The following ARID4A variants were observed in gnomAD, a reference collection of about 807,000 sequenced individuals.
ARID4A encodes AT-rich interaction domain 4A, also known as AT-rich interactive domain-containing protein 4A.
Under a neutral mutation model 148.6 loss-of-function variants are expected in ARID4A, and 39 were observed. That is an observed-to-expected ratio of 0.26 (90% CI 0.20 to 0.34). The LOEUF is 0.34. ARID4A is among the 10% of genes least tolerant of loss of function. The pLI, the probability that ARID4A is intolerant of heterozygous loss-of-function variation, is 1.00. For missense variants in ARID4A, 1,265 were observed against 1,449.1 expected (o/e 0.87, Z 2.06); for synonymous variants, 475 against 481.2 (o/e 0.99, Z 0.17).
At chr14:58,357,239 A>C (rs540227079) in intron 17 of ARID4A, among the ~76,000 whole-genome samples, 14 of 152,214 alleles carry the variant, frequency 9.2e-5, no homozygotes, top group Non-Finnish European at 1.5e-4. Flanking sequence ...GGCTAAGCTA[A>C]GCTGTGATGT....
At chr14:58,350,074 C>T (rs1289729383) in intron 15 of ARID4A, among the ~76,000 whole-genome samples, 1 of 147,094 alleles carries the variant, frequency 6.8e-6, no homozygotes, top group African/African-American at 2.5e-5. Context: ...TGCTCTCCAG[C>T]CTGGCAACAG....
intron 18 of ARID4A, among the ~76,000 whole-genome samples, chr14:58,360,439 C>A (rs1390530455): frequency 6.6e-6 from 1 of 152,126 alleles, no homozygotes; most frequent in Non-Finnish European, 1.5e-5. Context: ...ATATACTGGC[C>A]AATTGTACCC....
intron 1 of ARID4A, 33 bp from the exon 2 acceptor site, chr14:58,299,765 T>G (rs547914512): frequency 1.5e-5 from 23 of 1,582,572 alleles, no homozygotes; most frequent in Middle Eastern, 1.7e-4. Flanking sequence ...GTTGACTGAT[T>G]ATGTCTGTGC....
At chr14:58,366,255 T>C in intron 22 of ARID4A, 25 bp downstream of exon 22, 1 of 1,523,490 alleles carries the variant, frequency 6.6e-7, no homozygotes, top group Admixed American at 1.7e-5. Context: ...GAAAACTTGA[T>C]AGATGAATAC....
chr14:58,300,876 G>C (rs1389742688), intron 2 of ARID4A, among the ~76,000 whole-genome samples: 1 of 151,464 alleles, frequency 6.6e-6, no homozygotes, highest in Non-Finnish European at 1.5e-5. Context: ...ATTAAAATGA[G>C]TGGTAGAGTG....
rs528722702 is a variant in ARID4A at position 58,330,487 on chromosome 14, C to T, written c.906+318C>T. Among the ~76,000 whole-genome samples, 4 of 152,136 alleles carry T rather than the reference C, an allele frequency of 2.6e-5. No individual in the cohort carries two copies. The South Asian group carries it at 8.3e-4, about 32-fold the overall frequency. On this transcript the variant is annotated intron_variant, in intron 11 of 23. Coordinates refer to ENST00000355431, the MANE Select transcript of ARID4A (RefSeq NM_002892.4). ...ATTTTTAGGTATTTTATATGTGTAA[C>T]TCATTTAAACTACTACCATATGAAG...
At chr14:58,302,649 CTA>C (rs1401575160) in intron 3 of ARID4A, among the ~76,000 whole-genome samples, 1 of 152,042 alleles carries the variant, frequency 6.6e-6, no homozygotes. Context: ...CAGAGGGAGA[CTA>C]AAAATATATA....
chr14:58,347,000 A>C lies in ARID4A; in HGVS notation c.1075-20A>C. The C allele has an allele frequency of 8.9e-7, 1 of 1,125,286 alleles. No homozygotes were observed. The highest frequency in any genetic ancestry group is 1.2e-6 in the Non-Finnish European group (1 of 807,218). The allele number at this position is 1,125,286 out of a possible 1,614,324, so 69.7% of individuals were successfully genotyped here. A position where few individuals can be genotyped will look rare whatever the true frequency, so the allele number is the denominator to read the frequency against. On this transcript the variant is annotated intron_variant, in intron 13 of 23. Transcript: ENST00000355431. ...ATTAATTCCCTTTGCAAATGTTAAC[A>C]TAAAAACTTAATTTTCCAGATTGAT...
chr14:58,354,363 G>C (rs2034774515), intron 17 of ARID4A, among the ~76,000 whole-genome samples: 1 of 152,128 alleles, frequency 6.6e-6, no homozygotes, highest in Non-Finnish European at 1.5e-5. Context: ...ACTTACATTT[G>C]ATCTTCCGTT....
At chr14:58,329,044 C>T (rs1169144934) in intron 9 of ARID4A, among the ~76,000 whole-genome samples, 2 of 151,846 alleles carry the variant, frequency 1.3e-5, no homozygotes, top group East Asian at 3.9e-4. Context: ...CTCATCTCTG[C>T]TTTGTGATCA....
At chr14:58,329,451 T>C in intron 9 of ARID4A, 77 bp from the exon 10 acceptor site, 2 of 938,298 alleles carry the variant, frequency 2.1e-6, no homozygotes, top group South Asian at 3.0e-5. Flanking sequence ...TTTATTTTTC[T>C]ATGTGTTAAC....
chr14:58,299,739 T>G, intron 1 of ARID4A, 59 bp from the exon 2 acceptor site: 3 of 1,442,904 alleles, frequency 2.1e-6, no homozygotes. Flanking sequence ...TTTCTTTCCC[T>G]TGGTCGCTCC....
At chr14:58,306,696 G>A (rs2031630232) in intron 5 of ARID4A, among the ~76,000 whole-genome samples, 1 of 152,122 alleles carries the variant, frequency 6.6e-6, no homozygotes, top group Non-Finnish European at 1.5e-5. Flanking sequence ...TGGCCAACAT[G>A]GTGAAACCCC....
chr14:58,355,772 T>C (rs900277353), intron 17 of ARID4A, among the ~76,000 whole-genome samples: 2 of 152,224 alleles, frequency 1.3e-5, no homozygotes, highest in African/African-American at 4.8e-5. Context: ...CCTTCTTTCT[T>C]CCTCAGATTC....
At chr14:58,317,624 C>CTTTTTTTTTTTTTTTTT (rs71107933) in intron 5 of ARID4A, among the ~76,000 whole-genome samples, 4 of 69,874 alleles carry the variant, frequency 5.7e-5, no homozygotes, top group African/African-American at 1.3e-4. Context: ...TTATATTTGT[C>CTTTTTTTTTTTTTTTTT]TTTTTTTTTT....
At chr14:58,369,614 C>CAAAA (rs34289804) in intron 23 of ARID4A, among the ~76,000 whole-genome samples, 1 of 106,922 alleles carries the variant, frequency 9.4e-6, no homozygotes, top group Non-Finnish European at 1.8e-5. Flanking sequence ...GAGTCTGTCT[C>CAAAA]AAAAAAAAAA....
chr14:58,300,541 C>T (rs2031065281), intron 2 of ARID4A, among the ~76,000 whole-genome samples: 1 of 152,076 alleles, frequency 6.6e-6, no homozygotes, highest in South Asian at 2.1e-4. Context: ...TGTAAATGCA[C>T]TTACTTTAAA....
chr14:58,333,042 C>T (rs1390624143), intron 11 of ARID4A, among the ~76,000 whole-genome samples: 31 of 152,004 alleles, frequency 2.0e-4, no homozygotes, highest in Admixed American at 2.0e-3. Context: ...TGAAAGAGCA[C>T]CTTTTCCACT....
intron 15 of ARID4A, 137 bp from the exon 16 acceptor site, chr14:58,350,936 G>A: frequency 1.4e-6 from 1 of 691,380 alleles, no homozygotes; most frequent in Non-Finnish European, 2.2e-6. Flanking sequence ...GGAAGAGAAA[G>A]GTACCTTTGA....
Sources: allele counts gnomAD v4.1 joint callset (sites outside exome capture counted in the v4.1 genomes callset), GRCh38; gene constraint gnomAD v4.1.1; transcripts MANE v1.5; gene names NCBI Gene and HGNC (gene_info 2026-07-23, HGNC 2026-07-21).